Variants in CNTN6 observed in about 807,000 individuals in gnomAD.
CNTN6 encodes contactin-6.
Under a neutral mutation model 122.8 loss-of-function variants are expected in CNTN6, and 137 were observed. The observed-to-expected ratio is 1.12, with a 90% confidence interval of 0.97 to 1.29. CNTN6 has a LOEUF of 1.29. Ranked by LOEUF, CNTN6 falls within the 50% of genes most tolerant of loss-of-function variation. The probability of loss-of-function intolerance (pLI) is 0.00; values close to 1 mark genes in which losing one functional copy is unlikely to be tolerated. For synonymous variants in CNTN6, 570 were observed against 426.0 expected (o/e 1.34, Z -4.16); for missense variants, 1,634 against 1,223.4 (o/e 1.34, Z -5.01).
intron 4 of CNTN6, among the ~76,000 whole-genome samples, chr3:1,232,987 T>C (rs756686303): frequency 1.8e-4 from 27 of 152,136 alleles, no homozygotes; most frequent in Non-Finnish European, 3.5e-4. Context: ...GCAAAAGACC[T>C]GAGAACTGAA....
rs536988261 is a variant in CNTN6, at chr3:1,372,358, G to C, written c.1552G>C (p.Val518Leu). Residue 518 changes from valine (V) to leucine (L), a missense_variant, in exon 13 of 23, where the codon GTG becomes CTG. Transcript: ENST00000446702. Reference protein sequence around the residue: ...KMDVTVGESIVLPCQVSHDPS... With the variant: ...KMDVTVGESILLPCQVSHDPS... ...GGATGTTACAGTTGGCGAGAGTATA[G>C]TGCTACCATGCCAGGTGTCCCATGA... The C allele has an allele frequency of 3.7e-5, 59 of 1,613,528 alleles. No homozygotes were observed. In the South Asian group the frequency reaches 5.4e-4, roughly 15 times the overall value.
chr3:1,306,981 A>G (rs1443946540), intron 7 of CNTN6, among the ~76,000 whole-genome samples: 2 of 152,196 alleles, frequency 1.3e-5, no homozygotes, highest in Non-Finnish European at 2.9e-5. Context: ...GCAAATATGT[A>G]TTGAATACCT....
chr3:1,202,428 T>C (rs2093891137), intron 2 of CNTN6, among the ~76,000 whole-genome samples: 1 of 151,672 alleles, frequency 6.6e-6, no homozygotes. Flanking sequence ...TAGTCCCAGC[T>C]ACTCGGGAGG....
intron 12 of CNTN6, among the ~76,000 whole-genome samples, chr3:1,356,176 C>G (rs1706524144): frequency 6.6e-6 from 1 of 151,750 alleles, no homozygotes; most frequent in Non-Finnish European, 1.5e-5. Context: ...ATTATTTGAT[C>G]TGGCATTTGG....
intron 4 of CNTN6, among the ~76,000 whole-genome samples, chr3:1,248,123 C>T (rs982344397): frequency 2.0e-5 from 3 of 152,124 alleles, no homozygotes; most frequent in Admixed American, 1.3e-4. Context: ...AACTAGGTTT[C>T]GAGTATTTCC....
At chr3:1,307,445 C>T (rs186580835) in intron 7 of CNTN6, among the ~76,000 whole-genome samples, 79 of 148,996 alleles carry the variant, frequency 5.3e-4, no homozygotes, top group Non-Finnish European at 8.8e-4. Context: ...AAATATTGAA[C>T]GGATAGTACA....
chr3:1,329,773 T>C lies in CNTN6; in HGVS notation c.1214-12T>C. The C allele has an allele frequency of 6.2e-7, 1 of 1,600,686 alleles. No homozygotes were observed. The highest frequency in any genetic ancestry group is 8.5e-7 in the Non-Finnish European group (1 of 1,173,818). Reference sequence around the variant, plus strand: ...AGTAATTAAACAATTTTGTCTTTGATTTTGTTTTTAGCCTCAGCTCCAGAT... The same window carrying C: ...AGTAATTAAACAATTTTGTCTTTGACTTTGTTTTTAGCCTCAGCTCCAGAT... On this transcript the variant is annotated splice_polypyrimidine_tract_variant and intron_variant, in intron 10 of 22. Coordinates refer to ENST00000446702, the MANE Select transcript of CNTN6 (RefSeq NM_001289080.2).
intron 4 of CNTN6, among the ~76,000 whole-genome samples, chr3:1,251,487 C>G (rs1239018767): frequency 6.6e-6 from 1 of 152,196 alleles, no homozygotes; most frequent in Non-Finnish European, 1.5e-5. Flanking sequence ...ACTTGCTCAT[C>G]ACTTGCACAT....
intron 1 of CNTN6, among the ~76,000 whole-genome samples, chr3:1,141,933 C>T (rs574987612): frequency 2.0e-5 from 3 of 152,170 alleles, no homozygotes; most frequent in African/African-American, 2.4e-5. Flanking sequence ...CCCTAGTTCT[C>T]ACTGGAAAAA....
At chr3:1,244,629 G>A (rs184851670) in intron 4 of CNTN6, among the ~76,000 whole-genome samples, 10 of 152,330 alleles carry the variant, frequency 6.6e-5, no homozygotes, top group Admixed American at 1.3e-4. Context: ...AATTTCATGC[G>A]TGTCTGTGTG....
chr3:1,375,635 A>G (rs1326038785), intron 16 of CNTN6, among the ~76,000 whole-genome samples: 2 of 152,126 alleles, frequency 1.3e-5, no homozygotes, highest in Admixed American at 6.6e-5. Context: ...CTAAGCTGTC[A>G]AGCACTATAA....
At position 1,403,653 on chromosome 3, in the gene CNTN6, G is replaced by C; in HGVS notation, c.*235G>C. On this transcript the variant is annotated 3_prime_UTR_variant, in exon 23 of 23. Transcript: ENST00000446702. ...GAATTCCTAGGTGCCACATTAACCT[G>C]GGGAGTTGTAACTGCTGTGTCTTTT... 1 of 304,266 alleles carries C rather than the reference G, an allele frequency of 3.3e-6. No homozygotes were observed. The highest frequency in any genetic ancestry group is 5.7e-5 in the East Asian group (1 of 17,528). The allele number at this position is 304,266 out of a possible 1,614,324, so 18.8% of individuals were successfully genotyped here.
intron 4 of CNTN6, among the ~76,000 whole-genome samples, chr3:1,252,901 G>A (rs1163254028): frequency 6.6e-6 from 1 of 152,176 alleles, no homozygotes; most frequent in Non-Finnish European, 1.5e-5. Flanking sequence ...CAGGGCATAA[G>A]TAATGTTCTC....
chr3:1,347,906 C>G (rs576041588), intron 11 of CNTN6, among the ~76,000 whole-genome samples: 1 of 151,844 alleles, frequency 6.6e-6, no homozygotes, highest in South Asian at 2.1e-4. Context: ...TTTCGAAAAG[C>G]CCAGATATAG....
intron 20 of CNTN6, among the ~76,000 whole-genome samples, chr3:1,393,555 TAA>T (rs572632140): frequency 0.055 from 5,967 of 107,848 alleles, 398 homozygotes; most frequent in African/African-American, 0.18. Flanking sequence ...CTTAAAGAAG[TAA>T]AAAAAAAAAA....
chr3:1,192,936 C>T (rs1037977129), intron 2 of CNTN6, among the ~76,000 whole-genome samples: 1 of 152,130 alleles, frequency 6.6e-6, no homozygotes, highest in African/African-American at 2.4e-5. Flanking sequence ...TCCATGTGTG[C>T]AAGAGGCTAA....
intron 12 of CNTN6, among the ~76,000 whole-genome samples, chr3:1,370,680 C>T (rs1331305955): frequency 6.6e-6 from 1 of 152,006 alleles, no homozygotes; most frequent in East Asian, 1.9e-4. Flanking sequence ...GAAACTCTGT[C>T]TCTGCAAAAA....
intron 6 of CNTN6, among the ~76,000 whole-genome samples, chr3:1,296,444 T>G (rs970650941): frequency 6.6e-6 from 1 of 152,172 alleles, no homozygotes; most frequent in Non-Finnish European, 1.5e-5. Context: ...CCAGAAAGTT[T>G]AAGGAAGTCA....
chr3:1,264,887 T>C (rs1224579353), intron 4 of CNTN6, among the ~76,000 whole-genome samples: 1 of 152,116 alleles, frequency 6.6e-6, no homozygotes. Flanking sequence ...CCCCAGCCTC[T>C]GGTAACCACC....
Sources: allele counts gnomAD v4.1 joint callset (sites outside exome capture counted in the v4.1 genomes callset), GRCh38; gene constraint gnomAD v4.1.1; transcripts MANE v1.5; gene names NCBI Gene and HGNC (gene_info 2026-07-23, HGNC 2026-07-21).